Variants in NCAM2 observed in about 807,000 individuals in gnomAD.
NCAM2 encodes the protein N-CAM-2.
In NCAM2, 30 loss-of-function variants were observed where a neutral mutation model predicts 98.1. The observed-to-expected ratio is 0.31, with a 90% CI of 0.23 to 0.41. The LOEUF (loss-of-function observed/expected upper bound fraction) is 0.41. NCAM2 is among the 10% of genes least tolerant of loss of function. The probability of loss-of-function intolerance (pLI) is 1.00; values close to 1 mark genes in which losing one functional copy is unlikely to be tolerated. For missense variants in NCAM2, 867 were observed against 1,005.8 expected, an observed-to-expected ratio of 0.86 and a Z score of 1.87; for synonymous variants, 368 against 342.4, an observed-to-expected ratio of 1.07 and a Z score of -0.83.
At chr21:21,350,931 C>CAAA (rs113203468) in intron 8 of NCAM2, among the ~76,000 whole-genome samples, 37 of 44,152 alleles carry the variant, frequency 8.4e-4, no homozygotes, top group East Asian at 2.5e-3. Flanking sequence ...AGTAAAAATA[C>CAAA]AAAAAAAAAA....
At chr21:21,094,954 TG>T (rs1383792033) in intron 1 of NCAM2, among the ~76,000 whole-genome samples, 3 of 151,784 alleles carry the variant, frequency 2.0e-5, no homozygotes, top group Admixed American at 2.0e-4. Context: ...TAAGTTCCTC[TG>T]AACATTGATG....
chr21:21,285,254 C>T (rs1351571139), intron 3 of NCAM2, among the ~76,000 whole-genome samples: 1 of 151,584 alleles, frequency 6.6e-6, no homozygotes, highest in Non-Finnish European at 1.5e-5. Context: ...GAATGCAAGC[C>T]CTTAAATCAT....
chr21:21,314,106 T>TA (rs1161829038), intron 5 of NCAM2, among the ~76,000 whole-genome samples: 2 of 152,144 alleles, frequency 1.3e-5, no homozygotes, highest in African/African-American at 2.4e-5. Context: ...CTCAGATATT[T>TA]ACCGTTTGTA....
chr21:21,056,351 T>TC (rs2065209103), intron 1 of NCAM2, among the ~76,000 whole-genome samples: 1 of 152,032 alleles, frequency 6.6e-6, no homozygotes, highest in Non-Finnish European at 1.5e-5. Flanking sequence ...TTTCTTTTTT[T>TC]CCCCCAATAG....
At chr21:21,209,296 G>A (rs986378922) in intron 1 of NCAM2, among the ~76,000 whole-genome samples, 1 of 152,110 alleles carries the variant, frequency 6.6e-6, no homozygotes, top group Non-Finnish European at 1.5e-5. Flanking sequence ...GCTCACCACA[G>A]CCTCGAACTT....
At chr21:21,208,926 C>T (rs2069542926) in intron 1 of NCAM2, among the ~76,000 whole-genome samples, 1 of 151,984 alleles carries the variant, frequency 6.6e-6, no homozygotes. Flanking sequence ...TGAGATTGAG[C>T]TATAAGATTT....
intron 1 of NCAM2, among the ~76,000 whole-genome samples, chr21:21,243,469 A>G (rs886601207): frequency 2.6e-5 from 4 of 152,214 alleles, no homozygotes; most frequent in African/African-American, 9.7e-5. Context: ...AGAAGTACAG[A>G]CATGCTTGGG....
rs182523223 is a variant in NCAM2 at position 21,155,907 on chromosome 21, A to G, written c.56-124671A>G. Among the ~76,000 whole-genome samples, 59 of 152,156 alleles carry G rather than the reference A, an allele frequency of 3.9e-4. No individual in the cohort carries two copies. The East Asian group carries it at 8.7e-3, about 22-fold the overall frequency. On this transcript the variant is annotated intron_variant, in intron 1 of 17. Transcript: ENST00000400546. ...GATACTTTGGGAAAAACCCCTTAAA[A>G]TAGTCTAAAACCAGTTAATCTGTAA...
chr21:21,458,853 G>A (rs1982544929), intron 12 of NCAM2, among the ~76,000 whole-genome samples: 1 of 152,120 alleles, frequency 6.6e-6, no homozygotes, highest in African/African-American at 2.4e-5. Context: ...AAGTGGGATT[G>A]CATCAAGATG....
intron 16 of NCAM2, among the ~76,000 whole-genome samples, chr21:21,530,660 A>C (rs1209618268): frequency 1.3e-5 from 2 of 151,834 alleles, no homozygotes; most frequent in Admixed American, 1.3e-4. Flanking sequence ...GTTCCATTTC[A>C]GCACATAAAT....
intron 1 of NCAM2, among the ~76,000 whole-genome samples, chr21:21,076,190 A>G (rs890153312): frequency 1.8e-4 from 28 of 152,022 alleles, no homozygotes; most frequent in Non-Finnish European, 2.9e-4. Flanking sequence ...TTTATATTAT[A>G]AGGGAAATGA....
At chr21:21,226,012 T>C (rs1251315107) in intron 1 of NCAM2, among the ~76,000 whole-genome samples, 1 of 152,064 alleles carries the variant, frequency 6.6e-6, no homozygotes, top group Non-Finnish European at 1.5e-5. Context: ...TGTGGCAACA[T>C]GGATGCAGCT....
intron 1 of NCAM2, among the ~76,000 whole-genome samples, chr21:21,145,168 C>T (rs1423143026): frequency 6.6e-6 from 1 of 152,056 alleles, no homozygotes; most frequent in Admixed American, 6.6e-5. Flanking sequence ...AAGAAAACCT[C>T]TGACAATAAT....
intron 1 of NCAM2, among the ~76,000 whole-genome samples, chr21:21,023,509 G>A (rs1361115666): frequency 6.6e-6 from 1 of 150,794 alleles, no homozygotes; most frequent in African/African-American, 2.4e-5. Context: ...GGGTGACAGA[G>A]TGAGACTCCA....
At chr21:21,254,414 G>A (rs1369512971) in intron 1 of NCAM2, among the ~76,000 whole-genome samples, 1 of 152,180 alleles carries the variant, frequency 6.6e-6, no homozygotes, top group Non-Finnish European at 1.5e-5. Context: ...TCAATTGCCT[G>A]CAATAGAAGA....
chr21:21,324,158 C>G (rs535971252), intron 5 of NCAM2, among the ~76,000 whole-genome samples: 3 of 151,990 alleles, frequency 2.0e-5, no homozygotes, highest in Admixed American at 6.6e-5. Flanking sequence ...CAAACCTGTA[C>G]GTTGTGCACA....
chr21:21,193,473 T>C (rs2068893096), intron 1 of NCAM2, among the ~76,000 whole-genome samples: 1 of 150,488 alleles, frequency 6.6e-6, no homozygotes, highest in Non-Finnish European at 1.5e-5. Context: ...AATGTGAGAA[T>C]ATAGGAGTAG....
At position 21,505,998 on chromosome 21, in the gene NCAM2, C is replaced by T. The variant is rs569764033; in HGVS notation, c.2078-2853C>T. ...AATGATGGTAAGTGATGAAACCAGG[C>T]GTTTCTTACTCCTGATGCAGTGTTT... On this transcript the variant is annotated intron_variant, in intron 15 of 17. Transcript: ENST00000400546. Among the ~76,000 whole-genome samples, 25 of 151,812 alleles carry T rather than the reference C, an allele frequency of 1.6e-4. No individual in the cohort carries two copies. The South Asian group carries it at 4.2e-3, about 25-fold the overall frequency.
intron 1 of NCAM2, among the ~76,000 whole-genome samples, chr21:21,025,598 TA>T (rs1246609674): frequency 7.0e-6 from 1 of 143,496 alleles, no homozygotes; most frequent in African/African-American, 2.6e-5. Flanking sequence ...CAAACCACTA[TA>T]TTTTTTTGTG....
Sources: allele counts gnomAD v4.1 joint callset (sites outside exome capture counted in the v4.1 genomes callset), GRCh38; gene constraint gnomAD v4.1.1; transcripts MANE v1.5; gene names NCBI Gene and HGNC (gene_info 2026-07-23, HGNC 2026-07-21).